Variants in KIAA1328 observed in about 807,000 individuals in gnomAD.
KIAA1328 encodes the protein protein hinderin.
Under a neutral mutation model 68.1 loss-of-function variants are expected in KIAA1328, and 52 were observed. The ratio of observed to expected loss-of-function variants is 0.76; its 90% confidence interval spans 0.61 to 0.96. The LOEUF (loss-of-function observed/expected upper bound fraction) is 0.96, where lower values mean the gene tolerates loss of function less well. Ranked by LOEUF, KIAA1328 falls within the 40% of genes least tolerant of loss-of-function variation. The probability of loss-of-function intolerance (pLI) is 0.00; values close to 1 mark genes in which losing one functional copy is unlikely to be tolerated. For missense variants in KIAA1328, 641 were observed against 677.6 expected, an observed-to-expected ratio of 0.95 and a Z score of 0.60; for synonymous variants, 232 against 239.4, an observed-to-expected ratio of 0.97 and a Z score of 0.28.
intron 6 of KIAA1328, among the ~76,000 whole-genome samples, chr18:36,993,109 A>AAAAC (rs988874613): frequency 3.3e-5 from 5 of 152,156 alleles, no homozygotes; most frequent in South Asian, 2.1e-4. Context: ...CTGTCTCAAA[A>AAAAC]AAACAAACAA....
At chr18:37,045,961 G>T (rs2055453895) in intron 6 of KIAA1328, among the ~76,000 whole-genome samples, 1 of 152,144 alleles carries the variant, frequency 6.6e-6, no homozygotes, top group Admixed American at 6.6e-5. Flanking sequence ...TTCACCTAGT[G>T]TTTTGCCAAA....
chr18:37,143,960 C>T (rs1342641930), intron 7 of KIAA1328, among the ~76,000 whole-genome samples: 2 of 152,032 alleles, frequency 1.3e-5, no homozygotes, highest in African/African-American at 2.4e-5. Context: ...CAAAGTATTT[C>T]CTCCTCTTCT....
chr18:36,956,657 C>T (rs1013185463), intron 5 of KIAA1328, among the ~76,000 whole-genome samples: 5 of 152,106 alleles, frequency 3.3e-5, no homozygotes, highest in African/African-American at 1.2e-4. Flanking sequence ...AATGAATTTG[C>T]CTATAATTTG....
At chr18:37,079,670 C>G (rs767865566) in intron 7 of KIAA1328, among the ~76,000 whole-genome samples, 6 of 151,724 alleles carry the variant, frequency 4.0e-5, no homozygotes, top group Non-Finnish European at 8.8e-5. Context: ...GGTGGATCAC[C>G]TGGGATCAGG....
In KIAA1328 at chr18:37,188,725, A is replaced by G. The variant is rs542631509; in HGVS notation, c.1523+15644A>G. ...TAATTCTTTTGTCTTTTTCCTTTGG[A>G]TAGAAATATTTTTGTGAACAGCAAA... On this transcript the variant is annotated intron_variant, in intron 9 of 9. Coordinates refer to ENST00000280020, the MANE Select transcript of KIAA1328 (RefSeq NM_020776.3). Among the ~76,000 whole-genome samples, 66 of 152,314 alleles carry G rather than the reference A, an allele frequency of 4.3e-4. 1 individual carries two copies. Among genetic ancestry groups the G allele is most frequent in the African/African-American group, 1.6e-3 (66 of 41,582 alleles).
At chr18:37,219,181 G>T (rs1294166091) in intron 9 of KIAA1328, among the ~76,000 whole-genome samples, 2 of 152,176 alleles carry the variant, frequency 1.3e-5, no homozygotes, top group Non-Finnish European at 2.9e-5. Context: ...CTGCAATATT[G>T]CTGCCTGATC....
At chr18:37,139,198 C>T (rs1179853331) in intron 7 of KIAA1328, among the ~76,000 whole-genome samples, 1 of 151,910 alleles carries the variant, frequency 6.6e-6, no homozygotes, top group Non-Finnish European at 1.5e-5. Context: ...CTCCTGACCT[C>T]GTGATCTGCC....
chr18:37,208,172 T>C (rs1195143274), intron 9 of KIAA1328, among the ~76,000 whole-genome samples: 1 of 152,196 alleles, frequency 6.6e-6, no homozygotes, highest in Non-Finnish European at 1.5e-5. Context: ...AACTTTCTTT[T>C]CTTTTTACCA....
At chr18:37,025,974 T>C (rs1045396578) in intron 6 of KIAA1328, among the ~76,000 whole-genome samples, 9 of 152,076 alleles carry the variant, frequency 5.9e-5, no homozygotes, top group Admixed American at 5.2e-4. Flanking sequence ...CATAGACCGC[T>C]AGCAAGACTA....
At chr18:36,905,750 G>C (rs1385501468) in intron 5 of KIAA1328, among the ~76,000 whole-genome samples, 2 of 152,118 alleles carry the variant, frequency 1.3e-5, no homozygotes, top group African/African-American at 4.8e-5. Context: ...ACATCTCATA[G>C]TGCTGACAAG....
intron 4 of KIAA1328, among the ~76,000 whole-genome samples, chr18:36,880,981 G>C (rs1255360832): frequency 6.6e-6 from 1 of 151,916 alleles, no homozygotes; most frequent in Non-Finnish European, 1.5e-5. Flanking sequence ...TTGTTTTTTA[G>C]AATTTTTTTC....
intron 9 of KIAA1328, among the ~76,000 whole-genome samples, chr18:37,216,206 C>G (rs572771527): frequency 1.3e-5 from 2 of 152,202 alleles, no homozygotes; most frequent in Non-Finnish European, 2.9e-5. Context: ...TTTGTTTGCT[C>G]TTGCTTTTCT....
intron 6 of KIAA1328, among the ~76,000 whole-genome samples, chr18:36,994,414 A>G (rs936429391): frequency 1.3e-5 from 2 of 152,186 alleles, no homozygotes; most frequent in African/African-American, 4.8e-5. Context: ...ACACATAACC[A>G]GGAGTCATAA....
At chr18:36,952,455 A>G (rs1016028793) in intron 5 of KIAA1328, among the ~76,000 whole-genome samples, 2 of 152,056 alleles carry the variant, frequency 1.3e-5, no homozygotes, top group South Asian at 2.1e-4. Flanking sequence ...GCCCTGCACT[A>G]TGCTAAGTGT....
intron 6 of KIAA1328, among the ~76,000 whole-genome samples, chr18:37,057,472 G>A (rs8082948): frequency 0.1 from 15,566 of 150,134 alleles, 2,743 homozygotes; most frequent in African/African-American, 0.36. Flanking sequence ...CTGTCGCCCA[G>A]GTTGGAGTGC....
intron 9 of KIAA1328, among the ~76,000 whole-genome samples, chr18:37,213,198 T>A (rs1443210582): frequency 6.6e-6 from 1 of 152,246 alleles, no homozygotes; most frequent in African/African-American, 2.4e-5. Context: ...GTGCACAACG[T>A]GCAAGTTTGT....
Position 37,058,766 on chromosome 18 carries a change from T to C in KIAA1328, c.577-8124T>C, listed in dbSNP as rs1328904328. Among the ~76,000 whole-genome samples the C allele has an allele frequency of 2.0e-5, 3 of 152,036 alleles. No individual in the cohort carries two copies. In the East Asian group the frequency reaches 5.8e-4, roughly 29 times the overall value. On this transcript the variant is annotated intron_variant, in intron 6 of 9. Transcript: ENST00000280020. ...TAAATAAACAAGTAAAACTGAACTC[T>C]AGTATGGATGTTGAAGCACAAAAGG...
At chr18:37,219,219 G>T (rs542139629) in intron 9 of KIAA1328, among the ~76,000 whole-genome samples, 46 of 152,274 alleles carry the variant, frequency 3.0e-4, no homozygotes, top group African/African-American at 9.9e-4. Flanking sequence ...ATCTCAAGGG[G>T]CACCCAGCTG....
At position 37,224,165 on chromosome 18, in the gene KIAA1328, C is replaced by G; in HGVS notation, c.*1938C>G. On this transcript the variant is annotated 3_prime_UTR_variant, in exon 10 of 10. Transcript: ENST00000280020. The stretch of plus-strand genomic sequence containing the variant: ...TCATGACTAGCTTAAGTGTACTTGA[C>G]TCCCATAGACTACTCCCATGCCCAC... 4 of 985,422 alleles carry G rather than the reference C, an allele frequency of 4.1e-6. No individual in the cohort carries two copies. Among genetic ancestry groups the G allele is most frequent in the Non-Finnish European group, 4.8e-6 (4 of 829,930 alleles). 61.0% of individuals were successfully genotyped at this position (985,422 alleles called of 1,614,324 possible).
Sources: gnomAD v4.1 joint callset for allele counts (sites outside exome capture counted in the v4.1 genomes callset) on GRCh38, gnomAD v4.1.1 for gene constraint, MANE v1.5 for transcripts, NCBI Gene and HGNC (gene_info 2026-07-23, HGNC 2026-07-21) for gene names.